The following THRA variants were observed in gnomAD, a reference collection of about 807,000 sequenced individuals.
The protein encoded by THRA is thyroid hormone receptor alpha.
THRA carries 13 observed loss-of-function variants against 45.0 expected under a neutral mutation model. The observed-to-expected ratio is 0.29, with a 90% CI of 0.19 to 0.46. The LOEUF (loss-of-function observed/expected upper bound fraction) is 0.46. Among genes scored for constraint, THRA ranks in the 20% least tolerant of loss-of-function variants. The pLI, the probability that THRA is intolerant of heterozygous loss-of-function variation, is 1.00. For synonymous variants in THRA, 195 were observed against 214.0 expected (o/e 0.91, Z 0.78); for missense variants, 278 against 556.1 (o/e 0.50, Z 5.03).
Position 40,089,586 on chromosome 17 carries a change from T to C in THRA, c.*130T>C. 1.4e-6 allele frequency: 2 copies of C among 1,459,854 alleles called. No individual in the cohort carries two copies. The highest frequency in any genetic ancestry group is 1.8e-6 in the Non-Finnish European group (2 of 1,110,942). 90.4% of individuals were successfully genotyped at this position (1,459,854 alleles called of 1,614,324 possible). Reference sequence around the variant, plus strand: ...CCTCTCGTCCTTGGATAGATTCAGCTCCCACACACACACCCGCACTGCCCA... The same window carrying C: ...CCTCTCGTCCTTGGATAGATTCAGCCCCCACACACACACCCGCACTGCCCA... On this transcript the variant is annotated 3_prime_UTR_variant, in exon 9 of 9. Transcript: ENST00000450525. This position sits in a 1 kb window ranked among gnomAD's most constrained non-coding sequence, Gnocchi z 6.1.
chr17:40,088,250 C>T lies in THRA; in HGVS notation c.732C>T (p.Cys244=), dbSNP rs143089535. Residue 244 remains cysteine, a synonymous_variant, in exon 8 of 9, where the codon TGC becomes TGT. Transcript: ENST00000450525. ...KKLPMFSELP[C]EDQIILLKGC... ...GCCCTGCCGCTCCACAGCTGCCTTGCGAAGACCAGATCATCCTCCTGAAGG... is the reference window on the plus strand; with the variant it reads ...GCCCTGCCGCTCCACAGCTGCCTTGTGAAGACCAGATCATCCTCCTGAAGG... The T allele has an allele frequency of 3.2e-6, 5 of 1,586,988 alleles. No individual in the cohort carries two copies. The highest frequency in any genetic ancestry group is 2.7e-5 in the African/African-American group (2 of 74,542).
intron 4 of THRA, among the ~76,000 whole-genome samples, chr17:40,080,527 A>G (rs1238806122): frequency 1.3e-5 from 2 of 152,158 alleles, no homozygotes; most frequent in African/African-American, 4.8e-5. Flanking sequence ...AGCAGAAGCA[A>G]TACAATCCTT....
Position 40,074,400 on chromosome 17 carries a change from TG to T in THRA, c.-86del, listed in dbSNP as rs1239187622. The T allele has an allele frequency of 1.4e-6, 2 of 1,423,924 alleles. No homozygotes were observed. Among genetic ancestry groups the T allele is most frequent in the African/African-American group, 1.4e-5 (1 of 70,856 alleles). 88.2% of individuals were successfully genotyped at this position (1,423,924 alleles called of 1,614,324 possible). A position where few individuals can be genotyped will look rare whatever the true frequency, so the allele number is the denominator to read the frequency against. On this transcript the variant is annotated 5_prime_UTR_variant, in exon 2 of 9. Transcript: ENST00000450525. ...GCCCTAGGGCCTGGGTGGCAGGGGG[TG>T]GGTGGCCTGTGGGTGTGCCGGGGGG...
At chr17:40,066,586 C>A (rs1986573684) in intron 1 of THRA, among the ~76,000 whole-genome samples, 1 of 150,668 alleles carries the variant, frequency 6.6e-6, no homozygotes, top group African/African-American at 2.5e-5. Flanking sequence ...ATCGCTTGAA[C>A]CCAGGAGGTG....
chr17:40,066,579 G>A (rs1342536668), intron 1 of THRA, among the ~76,000 whole-genome samples: 2 of 150,140 alleles, frequency 1.3e-5, no homozygotes, highest in African/African-American at 4.9e-5. Context: ...CAGGAGAATC[G>A]CTTGAACCCA....
intron 4 of THRA, among the ~76,000 whole-genome samples, chr17:40,083,269 A>G (rs926210072): frequency 1.3e-5 from 2 of 149,878 alleles, no homozygotes; most frequent in Admixed American, 6.7e-5. Context: ...GGGTTTCACC[A>G]TGTTGGCCAG....
rs1598401066 is a variant in THRA at position 40,092,817 on chromosome 17, G to A, written c.*3361G>A. On this transcript the variant is annotated 3_prime_UTR_variant, in exon 9 of 9. Coordinates refer to ENST00000450525, the MANE Select transcript of THRA (RefSeq NM_199334.5). ...CTCAGCTGTGAACTATTGGATTTGA[G>A]ACAGGAACAGAACAAATCAGAGGGC... is the stretch of plus-strand genomic sequence containing the variant. 2.7e-6 allele frequency: 2 copies of A among 753,254 alleles called. No individual in the cohort carries two copies. Among genetic ancestry groups the A allele is most frequent in the South Asian group, 4.1e-5 (2 of 49,352 alleles). The allele number at this position is 753,254 out of a possible 1,614,324, so 46.7% of individuals were successfully genotyped here.
chr17:40,092,951 C>CTCA lies in THRA; in HGVS notation c.*3498_*3500dup. On this transcript the variant is annotated 3_prime_UTR_variant, in exon 9 of 9. Transcript: ENST00000450525. Reference sequence around the variant, plus strand: ...ACAAGAAGGCTCAGGGGGCCAGAGGCTCATCTTGGAATATTTTATAACAAT... The same window carrying CTCA: ...ACAAGAAGGCTCAGGGGGCCAGAGGCTCATCATCTTGGAATATTTTATAACAAT... 1 of 1,551,854 alleles carries CTCA rather than the reference C, an allele frequency of 6.4e-7. No homozygotes were observed.
At chr17:40,080,934 C>T (rs928387802) in intron 4 of THRA, among the ~76,000 whole-genome samples, 1 of 151,804 alleles carries the variant, frequency 6.6e-6, no homozygotes, top group Non-Finnish European at 1.5e-5. Context: ...ATGTTGGCCA[C>T]GTTGGTCTTG....
At chr17:40,081,674 A>G (rs1361183187) in intron 4 of THRA, among the ~76,000 whole-genome samples, 2 of 152,060 alleles carry the variant, frequency 1.3e-5, no homozygotes, top group East Asian at 3.9e-4. Context: ...CCTTTAAAAT[A>G]AAGGCGAGGC....
chr17:40,089,060 CAG>C lies in THRA; in HGVS notation c.983-145_983-144del, dbSNP rs1307630219. On this transcript the variant is annotated intron_variant, in intron 8 of 8. Coordinates refer to ENST00000450525, the MANE Select transcript of THRA (RefSeq NM_199334.5). This position sits in a 1 kb window ranked among gnomAD's most constrained non-coding sequence, Gnocchi z 6.1. ...CTGTGCTTCTCCTGTCCACGTCTCT[CAG>C]GGGGAGCTTCTCCCCTCCCCTCCCC... 1.2e-5 allele frequency: 7 copies of C among 590,790 alleles called. No homozygotes were observed. The highest frequency in any genetic ancestry group is 5.9e-5 in the African/African-American group (3 of 51,098). The allele number at this position is 590,790 out of a possible 1,614,324, so 36.6% of individuals were successfully genotyped here.
Position 40,089,554 on chromosome 17 carries a change from T to C in THRA, c.*98T>C. The C allele has an allele frequency of 6.7e-7, 1 of 1,492,568 alleles. No homozygotes were observed. Among genetic ancestry groups the C allele is most frequent in the South Asian group, 1.3e-5 (1 of 75,180 alleles). The allele number at this position is 1,492,568 out of a possible 1,614,324, so 92.5% of individuals were successfully genotyped here. ...GAGGGAGACCCCCCCACACCCCTTC[T>C]CTCCTTCCTCTCGTCCTTGGATAGA... On this transcript the variant is annotated 3_prime_UTR_variant, in exon 9 of 9. Coordinates refer to ENST00000450525, the MANE Select transcript of THRA (RefSeq NM_199334.5). This position sits in a 1 kb window ranked among gnomAD's most constrained non-coding sequence, Gnocchi z 6.1.
chr17:40,079,843 G>A (rs150019079), intron 4 of THRA, among the ~76,000 whole-genome samples: 18 of 152,122 alleles, frequency 1.2e-4, no homozygotes, highest in East Asian at 1.9e-4. Context: ...GCAAATGAAC[G>A]AATGAGTAAG....
intron 7 of THRA, among the ~76,000 whole-genome samples, chr17:40,087,967 G>T (rs1987391288): frequency 6.6e-6 from 1 of 152,130 alleles, no homozygotes; most frequent in African/African-American, 2.4e-5. Context: ...ATGTATGTTG[G>T]CCAGGCTGGT....
At chr17:40,066,871 C>T (rs1197441734) in intron 1 of THRA, among the ~76,000 whole-genome samples, 1 of 152,136 alleles carries the variant, frequency 6.6e-6, no homozygotes, top group East Asian at 1.9e-4. Context: ...GTTGCCTCAT[C>T]TGTAAATTGG....
At chr17:40,077,471 C>A in intron 3 of THRA, 37 bp from the exon 4 acceptor site, 3 of 1,586,720 alleles carry the variant, frequency 1.9e-6, no homozygotes, top group Non-Finnish European at 2.6e-6. Context: ...GGACTCCAAG[C>A]CATGCCTGCC....
At chr17:40,087,137 A>G in intron 7 of THRA, 1 of 414,972 alleles carries the variant, frequency 2.4e-6, no homozygotes, top group Non-Finnish European at 4.4e-6. Flanking sequence ...ACAGACACAC[A>G]CACACCTAGT....
At chr17:40,093,712 T>C (rs2145097941), downstream of THRA, 2 of 639,230 alleles carry the variant, frequency 3.1e-6, no homozygotes, top group East Asian at 5.5e-5. This position sits in a 1 kb window ranked among gnomAD's most constrained non-coding sequence, Gnocchi z 5.9. Context: ...CCTTGGTTCA[T>C]GCTTCTACTG....
rs778957552 is a variant in THRA, at chr17:40,088,512, T to C, written c.982+12T>C. ...GCTAATGTCAACAGGTACCTGCTGA[T>C]TAGTCGGGAGGGCTCAGAAGCTTCC... On this transcript the variant is annotated intron_variant, in intron 8 of 8. Coordinates refer to ENST00000450525, the MANE Select transcript of THRA (RefSeq NM_199334.5). 6.2e-7 allele frequency: 1 copy of C among 1,604,998 alleles called. No individual in the cohort carries two copies. Among genetic ancestry groups the C allele is most frequent in the South Asian group, 1.1e-5 (1 of 90,492 alleles).
Sources: gnomAD v4.1 joint callset for allele counts (sites outside exome capture counted in the v4.1 genomes callset) on GRCh38, gnomAD v4.1.1 for gene constraint, Gnocchi (gnomAD v3.1) non-coding constraint, MANE v1.5 for transcripts, NCBI Gene and HGNC (gene_info 2026-07-23, HGNC 2026-07-21) for gene names.